The following ASB1 variants were observed in gnomAD, a reference collection of about 807,000 sequenced individuals.
The protein encoded by ASB1 is ankyrin repeat and SOCS box protein 1.
A neutral mutation model predicts 27.7 loss-of-function variants in ASB1; 18 were observed. The observed-to-expected ratio is 0.65, with a 90% CI of 0.45 to 0.96. The LOEUF (loss-of-function observed/expected upper bound fraction) is 0.96. Ranked by LOEUF, ASB1 falls within the 50% of genes least tolerant of loss-of-function variation. The probability of loss-of-function intolerance (pLI) is 0.00; values close to 1 mark genes in which losing one functional copy is unlikely to be tolerated. For synonymous variants in ASB1, 189 were observed against 187.6 expected (o/e 1.01, Z -0.06); for missense variants, 397 against 451.7 (o/e 0.88, Z 1.10).
Position 238,435,912 on chromosome 2 carries a change from C to CGAAGCTGGCGCGGACCCCAACG in ASB1, c.399_420dup (p.Arg141TrpfsTer36). 1 of 1,614,230 alleles carries CGAAGCTGGCGCGGACCCCAACG rather than the reference C, an allele frequency of 6.2e-7. No homozygotes were observed. The highest frequency in any genetic ancestry group is 8.5e-7 in the Non-Finnish European group (1 of 1,180,040). On this transcript the variant is annotated frameshift_variant, in exon 3 of 5. Transcript: ENST00000264607. LOFTEE classifies it high-confidence loss of function. The stretch of plus-strand genomic sequence containing the variant: ...ACCTAGAGAGTACCCAGATCCTTCT[C>CGAAGCTGGCGCGGACCCCAACG]GAAGCTGGCGCGGACCCCAACGGAA...
chr2:238,440,586 C>T (rs1283130717), intron 3 of ASB1, among the ~76,000 whole-genome samples: 3 of 152,212 alleles, frequency 2.0e-5, no homozygotes, highest in African/African-American at 7.2e-5. Context: ...ACCTCTCATG[C>T]CAGGTGGCCT....
Position 238,433,972 on chromosome 2 carries a change from A to C in ASB1, c.191+277A>C, listed in dbSNP as rs1419245379. On this transcript the variant is annotated intron_variant, in intron 2 of 4. Coordinates refer to ENST00000264607, the MANE Select transcript of ASB1 (RefSeq NM_001040445.3). ...GCCTTCTGTGGGCCTCAGCCTCCTG[A>C]TGTCACTCCTGAAGGTACCACTGTT... 1.3e-5 allele frequency among the ~76,000 whole-genome samples: 2 copies of C among 152,012 alleles called. 1 individual carries two copies. The highest frequency in any genetic ancestry group is 4.8e-5 in the African/African-American group (2 of 41,350).
rs1195612724 is a variant in ASB1, at chr2:238,452,034, T to C, written c.*5523T>C. On this transcript the variant is annotated 3_prime_UTR_variant, in exon 5 of 5. Coordinates refer to ENST00000264607, the MANE Select transcript of ASB1 (RefSeq NM_001040445.3). ...TCCAGTTTGAAGAGAGTTGTGCCCC[T>C]AAAAGTGTTTGAAACCTGTGGCTTT... 4 of 152,120 alleles carry C rather than the reference T, an allele frequency of 2.6e-5. No individual in the cohort carries two copies. The highest frequency in any genetic ancestry group is 5.9e-5 in the Non-Finnish European group (4 of 68,018). The allele number at this position is 152,120 out of a possible 1,614,324, so 9.4% of individuals were successfully genotyped here. A position where few individuals can be genotyped will look rare whatever the true frequency, so the allele number is the denominator to read the frequency against.
intron 3 of ASB1, among the ~76,000 whole-genome samples, chr2:238,437,369 C>G (rs892703957): frequency 1.3e-5 from 2 of 152,006 alleles, no homozygotes; most frequent in African/African-American, 4.8e-5. Context: ...GTAGCTGGGA[C>G]TACAGGTGCC....
chr2:238,429,020 C>G (rs1321722410), intron 1 of ASB1, among the ~76,000 whole-genome samples: 1 of 152,192 alleles, frequency 6.6e-6, no homozygotes, highest in Non-Finnish European at 1.5e-5. Context: ...GCTTAAAGAG[C>G]TGTTCATGCC....
Position 238,446,458 on chromosome 2 carries a change from A to G in ASB1, c.955A>G (p.Ile319Val), listed in dbSNP as rs527361523. 1.5e-5 allele frequency: 25 copies of G among 1,614,024 alleles called. No homozygotes were observed. The South Asian group carries it at 2.6e-4, about 17-fold the overall frequency. The change falls in exon 5 of 5, where the codon ATT becomes GTT. Residue 319 changes from isoleucine (I) to valine (V), a missense_variant. Physicochemically the swap from Ile to Val is conservative, Grantham distance 29. Transcript: ENST00000264607. ...TCTTGGCAAACACCGGCTTCATCTG[A>G]TTCCTTCGCTGCCTCTGCCAGACCC... ...RALGKHRLHL[I>V]PSLPLPDPIK...
At chr2:238,445,141 G>A (rs916633202) in intron 4 of ASB1, among the ~76,000 whole-genome samples, 2 of 151,784 alleles carry the variant, frequency 1.3e-5, no homozygotes, top group Non-Finnish European at 2.9e-5. Context: ...ACCATGCCCA[G>A]CTAATTTTTG....
chr2:238,443,814 A>G (rs1008237982), intron 3 of ASB1, among the ~76,000 whole-genome samples: 1 of 151,078 alleles, frequency 6.6e-6, no homozygotes, highest in Non-Finnish European at 1.5e-5. Context: ...AATGGATTAT[A>G]TTAATAGAGT....
intron 2 of ASB1, 98 bp downstream of exon 2, chr2:238,433,793 T>G: frequency 7.1e-7 from 1 of 1,399,564 alleles, no homozygotes; most frequent in South Asian, 1.3e-5. Flanking sequence ...GACCTTGATG[T>G]TGGGAGGAAT....
Position 238,433,632 on chromosome 2 carries a change from A to C in ASB1, c.128A>C (p.Asp43Ala). The C allele has an allele frequency of 6.2e-7, 1 of 1,614,134 alleles. No individual in the cohort carries two copies. The highest frequency in any genetic ancestry group is 1.6e-4 in the Middle Eastern group (1 of 6,062). ...CACTGTGAGGACACGAGGCTCCATG[A>C]TGCAGCTTACGTCGGGGACCTCCAG... ...LEHCEDTRLHDAAYVGDLQTL... is the reference protein window; with the variant it reads ...LEHCEDTRLHAAAYVGDLQTL... Residue 43 changes from aspartate to alanine, a missense_variant, in exon 2 of 5, where the codon GAT becomes GCT. Asp to Ala is a moderately radical substitution (Grantham distance 126, BLOSUM62 -2). Coordinates refer to ENST00000264607, the MANE Select transcript of ASB1 (RefSeq NM_001040445.3).
In ASB1 at chr2:238,450,570, G is replaced by A. The variant is rs1454628556; in HGVS notation, c.*4059G>A. 1 of 152,152 alleles carries A rather than the reference G, an allele frequency of 6.6e-6. No individual in the cohort carries two copies. Among genetic ancestry groups the A allele is most frequent in the African/African-American group, 2.4e-5 (1 of 41,432 alleles). 9.4% of individuals were successfully genotyped at this position (152,152 alleles called of 1,614,324 possible). A position where few individuals can be genotyped will look rare whatever the true frequency, so the allele number is the denominator to read the frequency against. On this transcript the variant is annotated 3_prime_UTR_variant, in exon 5 of 5. Transcript: ENST00000264607. ...TACGTATTGGTGAGAAATTCCTCTT[G>A]GGTTCTTGAACAGCCTGTACGCTGG... is the stretch of plus-strand genomic sequence containing the variant.
At chr2:238,434,341 G>A (rs1220485346) in intron 2 of ASB1, among the ~76,000 whole-genome samples, 1 of 152,138 alleles carries the variant, frequency 6.6e-6, no homozygotes, top group African/African-American at 2.4e-5. Context: ...CTTGCTCTCT[G>A]GACTGTTCTC....
At chr2:238,439,442 T>C (rs534309551) in intron 3 of ASB1, among the ~76,000 whole-genome samples, 2 of 152,296 alleles carry the variant, frequency 1.3e-5, no homozygotes, top group South Asian at 4.1e-4. Flanking sequence ...AGGAGACGGT[T>C]AGAAAGCGTG....
Position 238,446,557 on chromosome 2 carries a change from C to T in ASB1, c.*46C>T. On this transcript the variant is annotated 3_prime_UTR_variant, in exon 5 of 5. Coordinates refer to ENST00000264607, the MANE Select transcript of ASB1 (RefSeq NM_001040445.3). ...TTCCAGTGAGGGAGAAAGTGATCTG[C>T]AGGGAGGTGGACACCGAGCCCTGAG... 6 of 1,606,974 alleles carry T rather than the reference C, an allele frequency of 3.7e-6. No individual in the cohort carries two copies. Among genetic ancestry groups the T allele is most frequent in the Non-Finnish European group, 5.1e-6 (6 of 1,178,756 alleles).
rs1351928523 is a variant in ASB1 at position 238,447,457 on chromosome 2, G to C, written c.*946G>C. The C allele has an allele frequency of 6.6e-6, 1 of 152,434 alleles. No individual in the cohort carries two copies. Among genetic ancestry groups the C allele is most frequent in the African/African-American group, 2.4e-5 (1 of 41,470 alleles). The allele number at this position is 152,434 out of a possible 1,614,324, so 9.4% of individuals were successfully genotyped here. A position where few individuals can be genotyped will look rare whatever the true frequency, so the allele number is the denominator to read the frequency against. On this transcript the variant is annotated 3_prime_UTR_variant, in exon 5 of 5. Coordinates refer to ENST00000264607, the MANE Select transcript of ASB1 (RefSeq NM_001040445.3). ...TCTTTTGTCTTGGTCGCTGCTTCTA[G>C]AATCTATGCAGGGGATAGCAGTGAG...
Position 238,444,496 on chromosome 2 carries a change from A to G in ASB1, c.649A>G (p.Asn217Asp), listed in dbSNP as rs773184249. Residue 217 changes from asparagine (N) to aspartate (D), a missense_variant, in exon 4 of 5, where the codon AAC becomes GAC. Physicochemically the swap from Asn to Asp is conservative, Grantham distance 23. Coordinates refer to ENST00000264607, the MANE Select transcript of ASB1 (RefSeq NM_001040445.3). ...CFRLLLLAGA[N>D]PDFNCNGPVN... Reference sequence around the variant, plus strand: ...CCGGCTGCTCCTCCTGGCTGGCGCGAACCCTGACTTCAACTGCAATGGTCC... The same window carrying G: ...CCGGCTGCTCCTCCTGGCTGGCGCGGACCCTGACTTCAACTGCAATGGTCC... The G allele has an allele frequency of 1.9e-6, 3 of 1,614,066 alleles. No individual in the cohort carries two copies. In the African/African-American group the frequency reaches 4.0e-5, roughly 22 times the overall value.
chr2:238,438,506 G>C (rs918115204), intron 3 of ASB1, among the ~76,000 whole-genome samples: 3 of 152,114 alleles, frequency 2.0e-5, no homozygotes, highest in African/African-American at 7.2e-5. Flanking sequence ...GGCCACAGAT[G>C]CCCTTCTTGC....
At chr2:238,440,063 C>T (rs149333658) in intron 3 of ASB1, among the ~76,000 whole-genome samples, 3 of 152,276 alleles carry the variant, frequency 2.0e-5, no homozygotes, top group African/African-American at 7.2e-5. Context: ...TGCTTCAAGC[C>T]ATCTCTGTCC....
Position 238,444,480 on chromosome 2 carries a change from C to T in ASB1, c.633C>T (p.Leu211=), listed in dbSNP as rs752571125. ...AYHNLQCFRL[L]LLAGANPDFN... ...ACAACCTCCAGTGCTTCCGGCTGCT[C>T]CTCCTGGCTGGCGCGAACCCTGACT... Residue 211 remains leucine, a synonymous_variant, in exon 4 of 5, where the codon CTC becomes CTT. Transcript: ENST00000264607. 1 of 1,614,216 alleles carries T rather than the reference C, an allele frequency of 6.2e-7. No homozygotes were observed. The highest frequency in any genetic ancestry group is 1.7e-5 in the Admixed American group (1 of 60,030).
Sources: gnomAD v4.1 joint callset for allele counts (sites outside exome capture counted in the v4.1 genomes callset) on GRCh38, gnomAD v4.1.1 for gene constraint, MANE v1.5 for transcripts, NCBI Gene and HGNC (gene_info 2026-07-23, HGNC 2026-07-21) for gene names.